The following GLYATL1 variants were observed in gnomAD, a reference collection of about 807,000 sequenced individuals.
The protein encoded by GLYATL1 is glycine N-acyltransferase-like protein 1.
In GLYATL1, 15 loss-of-function variants were observed where a neutral mutation model predicts 20.0. That is an observed-to-expected ratio of 0.75 (90% CI 0.50 to 1.15). GLYATL1 has a LOEUF of 1.15. Among genes scored for constraint, GLYATL1 ranks in the 50% most tolerant of loss-of-function variants. GLYATL1 has a pLI of 0.00. For synonymous variants in GLYATL1, 151 were observed against 131.5 expected, an observed-to-expected ratio of 1.15 and a Z score of -1.01; for missense variants, 380 against 368.5, an observed-to-expected ratio of 1.03 and a Z score of -0.26.
chr11:58,932,110 CAAAAAAAA>C (rs5792141), intron 1 of GLYATL1, among the ~76,000 whole-genome samples: 1 of 61,494 alleles, frequency 1.6e-5, no homozygotes, highest in Admixed American at 2.5e-4. Context: ...GACCCCTTCT[CAAAAAAAA>C]AAAAAAAAAA....
rs114730002 is a variant in GLYATL1, at chr11:58,946,270, A to G, written c.-42-776A>G. Among the ~76,000 whole-genome samples the G allele has an allele frequency of 5.6e-3, 847 of 152,350 alleles. 11 individuals are homozygous for G. Among genetic ancestry groups the G allele is most frequent in the African/African-American group, 0.019 (801 of 41,576 alleles). ...ATACATATTACATTGTGTAATCTCA[A>G]TCCTTTGGAAAACATGCATTCTAAT... On this transcript the variant is annotated intron_variant, in intron 2 of 6. Coordinates refer to ENST00000532726, the MANE Select transcript of GLYATL1 (RefSeq NM_001389712.2).
upstream of GLYATL1, among the ~76,000 whole-genome samples, chr11:58,935,898 A>G (rs1042613322): frequency 6.6e-6 from 1 of 152,212 alleles, no homozygotes; most frequent in Admixed American, 6.5e-5. Context: ...TATATTAAAC[A>G]CATACAGCTT....
upstream of GLYATL1, among the ~76,000 whole-genome samples, chr11:58,923,858 A>G (rs1186064388): frequency 1.3e-5 from 2 of 152,210 alleles, no homozygotes; most frequent in Non-Finnish European, 2.9e-5. Flanking sequence ...TTCTACATAG[A>G]TTACCTGTCA....
At chr11:58,951,087 G>A (rs1241919348) in intron 4 of GLYATL1, among the ~76,000 whole-genome samples, 2 of 151,842 alleles carry the variant, frequency 1.3e-5, no homozygotes, top group African/African-American at 2.4e-5. Context: ...TGACTTCTGA[G>A]GTTTTGGGTT....
At chr11:58,921,082 T>A (rs759106179) in intron 1 of GLYATL1, among the ~76,000 whole-genome samples, 1 of 152,218 alleles carries the variant, frequency 6.6e-6, no homozygotes, top group Non-Finnish European at 1.5e-5. Context: ...CTTCTCCTAA[T>A]TGGCCTCCCA....
upstream of GLYATL1, chr11:58,939,417 T>A (rs907227561): frequency 6.6e-6 from 1 of 152,268 alleles, no homozygotes; most frequent in Non-Finnish European, 1.5e-5. Flanking sequence ...TGTGGTGAGC[T>A]GCAGGACCTA....
chr11:58,905,668 G>T (rs769838826), intron 1 of GLYATL1: 1 of 455,186 alleles, frequency 2.2e-6, no homozygotes, highest in Non-Finnish European at 4.4e-6. Context: ...CCTGGTACGC[G>T]GGAACTGGCT....
upstream of GLYATL1, among the ~76,000 whole-genome samples, chr11:58,936,093 A>C (rs1371280240): frequency 5.9e-5 from 9 of 152,248 alleles, no homozygotes; most frequent in Non-Finnish European, 1.3e-4. Flanking sequence ...TTAGGCTAGA[A>C]AAGACAAAAA....
chr11:58,914,359 G>A (rs1451231754), intron 1 of GLYATL1, among the ~76,000 whole-genome samples: 1 of 152,184 alleles, frequency 6.6e-6, no homozygotes, highest in East Asian at 1.9e-4. Context: ...TCCCAGACAA[G>A]GCTTTATTAG....
chr11:58,924,077 C>T (rs1001947182), upstream of GLYATL1, among the ~76,000 whole-genome samples: 2 of 152,158 alleles, frequency 1.3e-5, no homozygotes, highest in Admixed American at 6.5e-5. Flanking sequence ...TTTTGCCAGT[C>T]CTGCTGAGTG....
chr11:58,947,288 G>A, intron 3 of GLYATL1, 123 bp downstream of exon 3: 2 of 1,327,738 alleles, frequency 1.5e-6, no homozygotes, highest in Non-Finnish European at 2.0e-6. Flanking sequence ...AACAGGATGG[G>A]ACTGGGGGCA....
At chr11:58,933,131 C>T (rs541274549) in intron 1 of GLYATL1, among the ~76,000 whole-genome samples, 2 of 152,126 alleles carry the variant, frequency 1.3e-5, no homozygotes, top group Non-Finnish European at 2.9e-5. Context: ...AAGAGGGGCA[C>T]AATTAAATTT....
At chr11:58,942,262 A>T (rs568511850) in intron 1 of GLYATL1, among the ~76,000 whole-genome samples, 2 of 152,336 alleles carry the variant, frequency 1.3e-5, no homozygotes, top group South Asian at 4.1e-4. Context: ...CCAGAGGGGG[A>T]CATTATCTTT....
At position 58,943,713 on chromosome 11, in the gene GLYATL1, GCTCT is replaced by G. The variant is rs780395147; in HGVS notation, c.-43+50_-43+53del. ...GGAGCTTCACACGTTGGTGTTTTGAGCTCTCTGAGTTGCTTGGAGCAAATTTCTG... is the reference window on the plus strand; with the variant it reads ...GGAGCTTCACACGTTGGTGTTTTGAGCTGAGTTGCTTGGAGCAAATTTCTG... On this transcript the variant is annotated intron_variant, in intron 2 of 6. Transcript: ENST00000532726. The G allele has an allele frequency of 5.6e-6, 9 of 1,603,786 alleles. No individual in the cohort carries two copies. The Middle Eastern group carries it at 1.0e-3, about 186-fold the overall frequency.
upstream of GLYATL1, chr11:58,934,510 G>A (rs1383128243): frequency 6.6e-6 from 1 of 152,646 alleles, no homozygotes; most frequent in Non-Finnish European, 1.5e-5. Context: ...GGCTGGTTGT[G>A]TGAGATCTGT....
chr11:58,955,791 CCTT>C lies in GLYATL1; in HGVS notation c.677_679del (p.Ser226del). The C allele has an allele frequency of 6.2e-7, 1 of 1,614,094 alleles. No individual in the cohort carries two copies. ...CCCGGTCTCATGGGTAACCATGGAC[CCTT>C]CTTGTGAAGTAGGAATGGCCTACAG... On this transcript the variant is annotated inframe_deletion, in exon 7 of 7. Transcript: ENST00000532726.
At chr11:58,918,179 G>A (rs1033692447) in intron 1 of GLYATL1, among the ~76,000 whole-genome samples, 2 of 152,216 alleles carry the variant, frequency 1.3e-5, no homozygotes, top group Admixed American at 6.5e-5. Flanking sequence ...TGGTAAGAAG[G>A]AGCAAGAGGC....
intron 1 of GLYATL1, among the ~76,000 whole-genome samples, chr11:58,930,423 T>C (rs1855555667): frequency 6.6e-6 from 1 of 152,160 alleles, no homozygotes; most frequent in Non-Finnish European, 1.5e-5. Context: ...TATTTGAGGA[T>C]TGAAAAGAAG....
In GLYATL1 at chr11:58,955,197, AG is replaced by A; in HGVS notation, c.339del (p.Ile114Ter). The A allele has an allele frequency of 6.2e-7, 1 of 1,613,100 alleles. No homozygotes were observed. The highest frequency in any genetic ancestry group is 1.3e-5 in the African/African-American group (1 of 74,992). ...CCAGGTCTTCAAGAAAGTTTAGGTG[AG>A]GGGATAAGAGTGGCTACATTTTCAA... ...QIQGLQESLG[E>X]GIRVATFSKS... On this transcript the variant is annotated frameshift_variant, in exon 6 of 7. Coordinates refer to ENST00000532726, the MANE Select transcript of GLYATL1 (RefSeq NM_001389712.2). LOFTEE classifies it high-confidence loss of function.
Sources: gnomAD v4.1 joint callset for allele counts (sites outside exome capture counted in the v4.1 genomes callset) on GRCh38, gnomAD v4.1.1 for gene constraint, MANE v1.5 for transcripts, NCBI Gene and HGNC (gene_info 2026-07-23, HGNC 2026-07-21) for gene names.